Variants in GRM5 observed in about 807,000 individuals in gnomAD.
The protein encoded by GRM5 is metabotropic glutamate receptor 5.
Under a neutral mutation model 83.1 loss-of-function variants are expected in GRM5, and 19 were observed. The observed-to-expected ratio is 0.23, with a 90% CI of 0.16 to 0.34. GRM5 has a LOEUF of 0.34. Among genes scored for constraint, GRM5 ranks in the 10% least tolerant of loss-of-function variants. GRM5 has a pLI of 1.00. For missense variants in GRM5, 1,160 were observed against 1,588.3 expected, an observed-to-expected ratio of 0.73 and a Z score of 4.58; for synonymous variants, 675 against 633.6, an observed-to-expected ratio of 1.07 and a Z score of -0.98.
chr11:88,626,354 G>A (rs1011774242), intron 4 of GRM5, among the ~76,000 whole-genome samples: 2 of 152,182 alleles, frequency 1.3e-5, no homozygotes, highest in East Asian at 1.9e-4. Flanking sequence ...CAGTCTAATC[G>A]GAAACCTTCT....
chr11:88,764,879 A>G (rs950584545), intron 3 of GRM5, among the ~76,000 whole-genome samples: 2 of 151,624 alleles, frequency 1.3e-5, no homozygotes, highest in African/African-American at 4.8e-5. Flanking sequence ...AAAGTAATAG[A>G]GACTAGAAAG....
intron 3 of GRM5, among the ~76,000 whole-genome samples, chr11:88,844,381 CACACACACAT>C (rs1302003909): frequency 2.0e-5 from 3 of 150,368 alleles, no homozygotes; most frequent in African/African-American, 7.3e-5. Context: ...CACACACACA[CACACACACAT>C]ATATATATAT....
intron 2 of GRM5, among the ~76,000 whole-genome samples, chr11:88,959,984 G>T (rs919206128): frequency 6.6e-6 from 1 of 152,138 alleles, no homozygotes; most frequent in Non-Finnish European, 1.5e-5. Flanking sequence ...AGTCATCGCT[G>T]ATAAGATGAC....
chr11:88,783,444 A>G (rs1039231257), intron 3 of GRM5, among the ~76,000 whole-genome samples: 1 of 152,120 alleles, frequency 6.6e-6, no homozygotes, highest in Non-Finnish European at 1.5e-5. Context: ...CTAGCACACT[A>G]AAAAGAAACA....
chr11:88,798,537 G>T (rs1943325337), intron 3 of GRM5, among the ~76,000 whole-genome samples: 1 of 152,050 alleles, frequency 6.6e-6, no homozygotes, highest in Non-Finnish European at 1.5e-5. Flanking sequence ...AGCGATCAAG[G>T]CAGGACAAAG....
At chr11:88,974,982 G>A (rs752229610) in intron 2 of GRM5, among the ~76,000 whole-genome samples, 1 of 152,142 alleles carries the variant, frequency 6.6e-6, no homozygotes, top group Non-Finnish European at 1.5e-5. Context: ...TAATTGAGAA[G>A]ACTTATCATG....
Position 88,794,279 on chromosome 11 carries a change from G to A in GRM5, c.911+55627C>T, listed in dbSNP as rs1382590041. On this transcript the variant is annotated intron_variant, in intron 3 of 9. Transcript: ENST00000305447. ...GCCTCTAATGTTACCCCATGTTCAA[G>A]CCACTATTTGCACTAAATTAAAATG... 3.9e-5 allele frequency among the ~76,000 whole-genome samples: 6 copies of A among 152,024 alleles called. No individual in the cohort carries two copies. The South Asian group carries it at 6.2e-4, about 16-fold the overall frequency.
intron 3 of GRM5, among the ~76,000 whole-genome samples, chr11:88,738,236 A>AACTT (rs1307485332): frequency 6.6e-6 from 1 of 152,050 alleles, no homozygotes; most frequent in East Asian, 1.9e-4. Flanking sequence ...ATAAACTGGT[A>AACTT]ACTTAAGAAA....
chr11:89,004,317 G>T (rs1591039975), intron 2 of GRM5, among the ~76,000 whole-genome samples: 1 of 152,026 alleles, frequency 6.6e-6, no homozygotes, highest in East Asian at 1.9e-4. Context: ...TTTATTGGGG[G>T]TAGATTATTA....
intron 1 of GRM5, among the ~76,000 whole-genome samples, chr11:89,055,712 C>G (rs11018445): frequency 0.23 from 35,502 of 151,584 alleles, 4,953 homozygotes; most frequent in Non-Finnish European, 0.32. Context: ...TATGAAATCT[C>G]TCTCATAATA....
intron 3 of GRM5, among the ~76,000 whole-genome samples, chr11:88,756,505 T>A (rs775926703): frequency 3.3e-5 from 5 of 152,132 alleles, no homozygotes; most frequent in Non-Finnish European, 5.9e-5. Context: ...TTATAAAAAA[T>A]ATAAAGTCGA....
chr11:88,929,979 A>T lies in GRM5; in HGVS notation c.662-79824T>A, dbSNP rs189556344. On this transcript the variant is annotated intron_variant, in intron 2 of 9. Transcript: ENST00000305447. ...TGGTGTTTCAAAGAAATAAATCAAA[A>T]TGTACACAGTCAAATTTGTTAGGCA... is the stretch of plus-strand genomic sequence containing the variant. Among the ~76,000 whole-genome samples, 22 of 152,278 alleles carry T rather than the reference A, an allele frequency of 1.4e-4. No homozygotes were observed. The East Asian group carries it at 3.3e-3, about 23-fold the overall frequency.
intron 3 of GRM5, among the ~76,000 whole-genome samples, chr11:88,782,519 A>G (rs1846481): frequency 0.72 from 109,953 of 152,050 alleles, 40,189 homozygotes; most frequent in Non-Finnish European, 0.75. Context: ...TCCACAACAC[A>G]TGGGAATTCA....
chr11:88,770,567 T>C (rs1308223570), intron 3 of GRM5, among the ~76,000 whole-genome samples: 1 of 152,126 alleles, frequency 6.6e-6, no homozygotes, highest in Non-Finnish European at 1.5e-5. Flanking sequence ...ATTGATGATA[T>C]AACTAAATAG....
intron 3 of GRM5, among the ~76,000 whole-genome samples, chr11:88,729,088 T>C (rs567407512): frequency 6.6e-6 from 1 of 152,342 alleles, no homozygotes; most frequent in Non-Finnish European, 1.5e-5. Context: ...AAATTGTCTC[T>C]GTTTGCAGAT....
At chr11:89,002,412 A>G (rs1028744544) in intron 2 of GRM5, among the ~76,000 whole-genome samples, 8 of 151,926 alleles carry the variant, frequency 5.3e-5, no homozygotes, top group African/African-American at 1.7e-4. Flanking sequence ...CTGGCTTCCT[A>G]AAAAAAACTC....
intron 2 of GRM5, among the ~76,000 whole-genome samples, chr11:88,917,459 C>T (rs1363238510): frequency 6.6e-6 from 1 of 152,110 alleles, no homozygotes; most frequent in Non-Finnish European, 1.5e-5. Context: ...AGTATTAAGA[C>T]CATCTAGGAA....
In GRM5 at chr11:88,508,670, C is replaced by G. The variant is rs775077618; in HGVS notation, c.3561G>C (p.Ser1187=). 18 of 1,608,480 alleles carry G rather than the reference C, an allele frequency of 1.1e-5. No homozygotes were observed. In the South Asian group the frequency reaches 2.0e-4, roughly 18 times the overall value. ...STTPNSPVSE[S]ALCIPSSPKY... Reference sequence around the variant, plus strand: ...TGGGAGACGACGGGATACAGAGGGCCGACTCGGACACTGGCGAGTTGGGGG... The same window carrying G: ...TGGGAGACGACGGGATACAGAGGGCGGACTCGGACACTGGCGAGTTGGGGG... The change falls in exon 10 of 10, where the codon TCG becomes TCC. Residue 1187 remains serine (S), a synonymous_variant. Coordinates refer to ENST00000305447, the MANE Select transcript of GRM5 (RefSeq NM_001143831.3). This position sits in a 1 kb window ranked among gnomAD's most constrained non-coding sequence, Gnocchi z 4.2.
At chr11:88,564,396 C>T (rs530418374) in intron 8 of GRM5, among the ~76,000 whole-genome samples, 1 of 152,254 alleles carries the variant, frequency 6.6e-6, no homozygotes, top group East Asian at 1.9e-4. Flanking sequence ...TTTGTTTGTC[C>T]CTTTGTTTAT....
Sources: gnomAD v4.1 joint callset for allele counts (sites outside exome capture counted in the v4.1 genomes callset) on GRCh38, gnomAD v4.1.1 for gene constraint, Gnocchi (gnomAD v3.1) non-coding constraint, MANE v1.5 for transcripts, NCBI Gene and HGNC (gene_info 2026-07-23, HGNC 2026-07-21) for gene names.